The following ZNF595 variants were observed in gnomAD, a reference collection of about 807,000 sequenced individuals.
ZNF595 encodes zinc finger protein 595.
ZNF595 carries 9 observed loss-of-function variants against 19.4 expected under a neutral mutation model. That is an observed-to-expected ratio of 0.46 (90% CI 0.28 to 0.81). The LOEUF is 0.81. ZNF595 is among the 30% of genes least tolerant of loss of function. The pLI, the probability that ZNF595 is intolerant of heterozygous loss-of-function variation, is 0.11. For missense variants in ZNF595, 729 were observed against 736.0 expected (o/e 0.99, Z 0.11); for synonymous variants, 255 against 255.9 (o/e 1.00, Z 0.03).
At chr4:62,821 T>A (rs12163778) in intron 3 of ZNF595, among the ~76,000 whole-genome samples, 1 of 17,574 alleles carries the variant, frequency 5.7e-5, no homozygotes, top group East Asian at 2.7e-3. Flanking sequence ...TTTGATGCAG[T>A]CCCACTCTTT....
intron 3 of ZNF595, among the ~76,000 whole-genome samples, chr4:81,907 C>A (rs1713924331): frequency 6.6e-6 from 1 of 151,902 alleles, no homozygotes; most frequent in Non-Finnish European, 1.5e-5. Flanking sequence ...TTAATTTATT[C>A]ATTTATTTGG....
intron 3 of ZNF595, among the ~76,000 whole-genome samples, chr4:66,333 G>T (rs1412587641): frequency 3.5e-5 from 5 of 141,908 alleles, no homozygotes; most frequent in Non-Finnish European, 4.6e-5. Flanking sequence ...GTAACTTTTT[G>T]TTTTTTTTTT....
intron 3 of ZNF595, among the ~76,000 whole-genome samples, chr4:83,334 T>C (rs1216847504): frequency 1.3e-5 from 2 of 152,056 alleles, no homozygotes; most frequent in African/African-American, 4.8e-5. Context: ...AAAAAGCAAG[T>C]TGTGGCTGGG....
Position 86,786 on chromosome 4 carries a change from G to A in ZNF595, c.1282G>A (p.Glu428Lys). 4 of 1,613,316 alleles carry A rather than the reference G, an allele frequency of 2.5e-6. No homozygotes were observed. ...HTGEKPYTCE[E>K]CGKAFNQSST... ...TGGAGAGAAACCCTACACGTGCGAAGAATGTGGCAAAGCTTTTAACCAATC... is the reference window on the plus strand; with the variant it reads ...TGGAGAGAAACCCTACACGTGCGAAAAATGTGGCAAAGCTTTTAACCAATC... Residue 428 changes from glutamate (E) to lysine (K), a missense_variant, in exon 4 of 4, where the codon GAA (glutamate) becomes AAA (lysine). Glu to Lys is a moderately conservative substitution (Grantham distance 56). Coordinates refer to ENST00000610261, the MANE Select transcript of ZNF595 (RefSeq NM_182524.4).
intron 3 of ZNF595, among the ~76,000 whole-genome samples, chr4:63,219 T>G (rs1712919961): frequency 6.9e-6 from 1 of 144,138 alleles, no homozygotes; most frequent in Non-Finnish European, 1.5e-5. Context: ...ACCATGACCT[T>G]TAAGTAAAGT....
In ZNF595 at chr4:87,497, A is replaced by C; in HGVS notation, c.*46A>C. ...TAATTCCAGTGTCTTTACACAGCAA[A>C]TAAATTGGAGAATATTGCTCCCATA... On this transcript the variant is annotated 3_prime_UTR_variant, in exon 4 of 4. Coordinates refer to ENST00000610261, the MANE Select transcript of ZNF595 (RefSeq NM_182524.4). 1 of 1,440,460 alleles carries C rather than the reference A, an allele frequency of 6.9e-7. No homozygotes were observed. Among genetic ancestry groups the C allele is most frequent in the Non-Finnish European group, 9.2e-7 (1 of 1,088,844 alleles). 89.2% of individuals were successfully genotyped at this position (1,440,460 alleles called of 1,614,324 possible).
rs1713926963 is a variant in ZNF595 at position 82,002 on chromosome 4, C to G, written c.227-3729C>G. ...AGTGTAGAAATTACTCTTCATCTGA[C>G]CATATGTGTAAGAGTGTGTATTTTT... On this transcript the variant is annotated intron_variant, in intron 3 of 3. Transcript: ENST00000610261. Among the ~76,000 whole-genome samples the G allele has an allele frequency of 2.0e-5, 3 of 152,186 alleles. No individual in the cohort carries two copies. In the South Asian group the frequency reaches 6.2e-4, roughly 32 times the overall value.
At chr4:66,964 T>C (rs1581333076) in intron 3 of ZNF595, among the ~76,000 whole-genome samples, 2 of 146,688 alleles carry the variant, frequency 1.4e-5, no homozygotes, top group Non-Finnish European at 3.0e-5. Flanking sequence ...AAATACTTTT[T>C]CACAAAGTAT....
chr4:86,009 G>C lies in ZNF595; in HGVS notation c.505G>C (p.Gly169Arg), dbSNP rs1395926829. The change falls in exon 4 of 4, where the codon GGA becomes CGA. Residue 169 changes from glycine to arginine, a missense_variant. Gly to Arg is a moderately radical substitution (Grantham distance 125). Coordinates refer to ENST00000610261, the MANE Select transcript of ZNF595 (RefSeq NM_182524.4). ...NSNKHKIRHT[G>R]EKPFKCTECG... ...AAACAAACATAAGATAAGACATACT[G>C]GAGAGAAACCCTTTAAATGTACAGA... The C allele has an allele frequency of 5.6e-6, 9 of 1,608,128 alleles. No individual in the cohort carries two copies. The highest frequency in any genetic ancestry group is 1.7e-5 in the Admixed American group (1 of 58,802).
At chr4:82,372 GTTTT>G (rs34932652) in intron 3 of ZNF595, among the ~76,000 whole-genome samples, 2,749 of 84,812 alleles carry the variant, frequency 0.032, 3 homozygotes, top group Non-Finnish European at 0.054. Flanking sequence ...TTGGTTTGTG[GTTTT>G]TTTTTTTTTT....
At chr4:70,288 G>A (rs911790339) in intron 3 of ZNF595, among the ~76,000 whole-genome samples, 13 of 150,822 alleles carry the variant, frequency 8.6e-5, no homozygotes, top group African/African-American at 3.2e-4. Context: ...GTCTAGTTTC[G>A]TTCTTCTGAA....
At chr4:73,875 G>T (rs1159062373) in intron 3 of ZNF595, among the ~76,000 whole-genome samples, 1 of 152,142 alleles carries the variant, frequency 6.6e-6, no homozygotes, top group Non-Finnish European at 1.5e-5. Flanking sequence ...CATGTGGAGG[G>T]AAGCAATATT....
intron 3 of ZNF595, among the ~76,000 whole-genome samples, chr4:71,278 T>G (rs1713422013): frequency 6.6e-6 from 1 of 152,276 alleles, no homozygotes; most frequent in African/African-American, 2.4e-5. Flanking sequence ...AACAAAGATA[T>G]AATTTGACTT....
chr4:76,147 G>A (rs1713650960), intron 3 of ZNF595, among the ~76,000 whole-genome samples: 1 of 152,042 alleles, frequency 6.6e-6, no homozygotes, highest in Admixed American at 6.6e-5. Context: ...ACCTGCTTTG[G>A]CTTCCCAAAG....
chr4:80,361 T>C (rs1713853576), intron 3 of ZNF595, among the ~76,000 whole-genome samples: 1 of 152,332 alleles, frequency 6.6e-6, no homozygotes, highest in Non-Finnish European at 1.5e-5. Context: ...AAATTAGATA[T>C]AGATGGTATA....
At chr4:85,685 T>A in intron 3 of ZNF595, 46 bp from the exon 4 acceptor site, 1 of 1,511,390 alleles carries the variant, frequency 6.6e-7, no homozygotes, top group Non-Finnish European at 8.8e-7. Flanking sequence ...AGTATATTCA[T>A]ATGAATCTAG....
At chr4:63,563 C>CA (rs1581326842) in intron 3 of ZNF595, among the ~76,000 whole-genome samples, 2 of 151,208 alleles carry the variant, frequency 1.3e-5, no homozygotes. Context: ...TTTTATGAGA[C>CA]AGAGTCTCAC....
intron 3 of ZNF595, among the ~76,000 whole-genome samples, chr4:71,424 A>G (rs1296834562): frequency 1.3e-5 from 2 of 152,126 alleles, no homozygotes; most frequent in East Asian, 3.8e-4. Flanking sequence ...CTTCAGGTGC[A>G]GACACCTTAT....
chr4:76,368 G>T (rs1457167149), intron 3 of ZNF595, among the ~76,000 whole-genome samples: 1 of 152,048 alleles, frequency 6.6e-6, no homozygotes, highest in African/African-American at 2.4e-5. Flanking sequence ...CACTATTTAT[G>T]TCATACTTTA....
Sources: gnomAD v4.1 joint callset for allele counts (sites outside exome capture counted in the v4.1 genomes callset) on GRCh38, gnomAD v4.1.1 for gene constraint, MANE v1.5 for transcripts, NCBI Gene and HGNC (gene_info 2026-07-23, HGNC 2026-07-21) for gene names.